The following AUTS2 variants were observed in gnomAD, a reference collection of about 807,000 sequenced individuals.
AUTS2 encodes activator of transcription and developmental regulator AUTS2, also known as autism susceptibility gene 2 protein.
AUTS2 carries 17 observed loss-of-function variants against 112.4 expected under a neutral mutation model. The observed-to-expected ratio is 0.15, with a 90% CI of 0.10 to 0.23. AUTS2 has a LOEUF of 0.23. Ranked by LOEUF, AUTS2 falls within the 10% of genes least tolerant of loss-of-function variation. The probability of loss-of-function intolerance (pLI) is 1.00; values close to 1 mark genes in which losing one functional copy is unlikely to be tolerated. For synonymous variants in AUTS2, 751 were observed against 702.7 expected, an observed-to-expected ratio of 1.07 and a Z score of -1.09; for missense variants, 1,510 against 1,701.6, an observed-to-expected ratio of 0.89 and a Z score of 1.98.
chr7:69,951,152 A>G (rs554107161), intron 2 of AUTS2, among the ~76,000 whole-genome samples: 4 of 152,236 alleles, frequency 2.6e-5, no homozygotes, highest in South Asian at 2.1e-4. Flanking sequence ...TATTGTTGCA[A>G]TTGTATTTGA....
At chr7:70,455,686 C>T (rs1196669046) in intron 5 of AUTS2, among the ~76,000 whole-genome samples, 1 of 152,046 alleles carries the variant, frequency 6.6e-6, no homozygotes, top group African/African-American at 2.4e-5. Flanking sequence ...CTTCAAGAGG[C>T]CAAGGTGGGA....
chr7:70,729,455 AG>A (rs1324801983), intron 6 of AUTS2, among the ~76,000 whole-genome samples: 2 of 152,132 alleles, frequency 1.3e-5, no homozygotes, highest in East Asian at 3.9e-4. Flanking sequence ...TGGAATCCCC[AG>A]GGGGGCTTCC....
At chr7:70,037,804 C>A (rs1418215776) in intron 2 of AUTS2, among the ~76,000 whole-genome samples, 1 of 152,014 alleles carries the variant, frequency 6.6e-6, no homozygotes, top group Non-Finnish European at 1.5e-5. Context: ...GCGTCCACTT[C>A]TTGTTGTTAT....
intron 1 of AUTS2, among the ~76,000 whole-genome samples, chr7:69,609,211 G>A (rs1045713703): frequency 1.3e-5 from 2 of 152,160 alleles, no homozygotes; most frequent in African/African-American, 4.8e-5. Context: ...GTACTGGGGA[G>A]TCCCAAGGAT....
intron 1 of AUTS2, among the ~76,000 whole-genome samples, chr7:69,878,393 CT>C: frequency 6.6e-6 from 1 of 152,236 alleles, no homozygotes; most frequent in Non-Finnish European, 1.5e-5. Flanking sequence ...ACCCCCACAC[CT>C]TTTCTTTTAG....
At chr7:70,706,493 A>G (rs1446618149) in intron 6 of AUTS2, among the ~76,000 whole-genome samples, 1 of 152,204 alleles carries the variant, frequency 6.6e-6, no homozygotes, top group East Asian at 1.9e-4. Context: ...CTGCATGGGT[A>G]ATGCTATCTG....
chr7:70,474,149 A>G (rs1797495448), intron 5 of AUTS2, among the ~76,000 whole-genome samples: 1 of 152,240 alleles, frequency 6.6e-6, no homozygotes, highest in South Asian at 2.1e-4. Context: ...AATTACAAAT[A>G]GGACACCAGA....
intron 4 of AUTS2, among the ~76,000 whole-genome samples, chr7:70,325,666 C>A (rs995382592): frequency 5.3e-5 from 8 of 152,220 alleles, no homozygotes; most frequent in Non-Finnish European, 1.0e-4. Flanking sequence ...CGATCAGATT[C>A]TCAAAAATTA....
intron 5 of AUTS2, among the ~76,000 whole-genome samples, chr7:70,529,228 G>T (rs1240281444): frequency 6.6e-6 from 1 of 152,210 alleles, no homozygotes; most frequent in African/African-American, 2.4e-5. Context: ...TGGAAAAATG[G>T]AATAAAGAAC....
At chr7:70,108,121 A>G (rs1419203306) in intron 2 of AUTS2, among the ~76,000 whole-genome samples, 1 of 152,176 alleles carries the variant, frequency 6.6e-6, no homozygotes, top group African/African-American at 2.4e-5. Flanking sequence ...GTTTAGTGAC[A>G]TATAGTTTAT....
At chr7:70,231,268 A>G (rs1275797342) in intron 4 of AUTS2, among the ~76,000 whole-genome samples, 1 of 152,198 alleles carries the variant, frequency 6.6e-6, no homozygotes, top group Non-Finnish European at 1.5e-5. Flanking sequence ...GTATACAGCT[A>G]AAGATTTCTT....
At chr7:70,736,084 T>C (rs555823361) in intron 6 of AUTS2, among the ~76,000 whole-genome samples, 115 of 152,156 alleles carry the variant, frequency 7.6e-4, no homozygotes, top group Middle Eastern at 3.4e-3. Context: ...CATAACACTG[T>C]TAATAGACCA....
chr7:69,934,712 A>G (rs1193675132), intron 2 of AUTS2, among the ~76,000 whole-genome samples: 2 of 152,132 alleles, frequency 1.3e-5, no homozygotes, highest in Admixed American at 1.3e-4. Flanking sequence ...TTGCACCACA[A>G]CCAGATACTG....
intron 4 of AUTS2, among the ~76,000 whole-genome samples, chr7:70,180,489 G>A (rs1172218225): frequency 6.6e-6 from 1 of 152,154 alleles, no homozygotes; most frequent in Non-Finnish European, 1.5e-5. Context: ...CTTTGCAAAG[G>A]AAGTCTTCCA....
intron 2 of AUTS2, among the ~76,000 whole-genome samples, chr7:69,925,398 A>C (rs908236443): frequency 6.6e-6 from 1 of 152,068 alleles, no homozygotes; most frequent in Non-Finnish European, 1.5e-5. Context: ...TTTACCCCCA[A>C]ATATTACTTT....
At chr7:69,887,158 A>C (rs188520820) in intron 1 of AUTS2, among the ~76,000 whole-genome samples, 1 of 152,284 alleles carries the variant, frequency 6.6e-6, no homozygotes, top group Non-Finnish European at 1.5e-5. Flanking sequence ...TCACGCCTGT[A>C]ATCCCAGCAC....
At chr7:69,969,666 T>G (rs969631929) in intron 2 of AUTS2, among the ~76,000 whole-genome samples, 2 of 152,184 alleles carry the variant, frequency 1.3e-5, no homozygotes, top group African/African-American at 4.8e-5. Context: ...CAAAACAAAC[T>G]AAAACCATCT....
intron 1 of AUTS2, among the ~76,000 whole-genome samples, chr7:69,652,510 C>T (rs1795340338): frequency 6.6e-6 from 1 of 151,060 alleles, no homozygotes; most frequent in Non-Finnish European, 1.5e-5. Flanking sequence ...AACTTAGGAG[C>T]TGGAAGCATT....
At chr7:70,238,290 G>A (rs1338722447) in intron 4 of AUTS2, among the ~76,000 whole-genome samples, 2 of 152,194 alleles carry the variant, frequency 1.3e-5, no homozygotes, top group African/African-American at 4.8e-5. Context: ...ACAGTATTGT[G>A]TTTCATTATG....
Sources: allele counts gnomAD v4.1 joint callset (sites outside exome capture counted in the v4.1 genomes callset), GRCh38; gene constraint gnomAD v4.1.1; transcripts MANE v1.5; gene names NCBI Gene and HGNC (gene_info 2026-07-23, HGNC 2026-07-21).